Variants in PKP3 observed in about 807,000 individuals in gnomAD.
The protein encoded by PKP3 is plakophilin-3.
A neutral mutation model predicts 76.5 loss-of-function variants in PKP3; 66 were observed. The ratio of observed to expected loss-of-function variants is 0.86; its 90% CI spans 0.71 to 1.06. The LOEUF (loss-of-function observed/expected upper bound fraction) is 1.06, where lower values mean the gene tolerates loss of function less well. PKP3 is among the 50% of genes least tolerant of loss of function. The pLI is 0.00. For missense variants in PKP3, 1,338 were observed against 1,141.0 expected (o/e 1.17, Z -2.49); for synonymous variants, 638 against 516.5 (o/e 1.24, Z -3.19).
rs1445044534 is a variant in PKP3, at chr11:403,722, T to A, written c.2028T>A (p.Thr676=). Residue 676 remains threonine (T), a synonymous_variant, in exon 10 of 13, where the codon ACT becomes ACA. Transcript: ENST00000331563. ...TADHHQLRSL[T]GLIRNLSRNA... The stretch of plus-strand genomic sequence containing the variant: ...ACCACCACCAGCTGCGCTCACTGAC[T>A]GGCCTCATCCGAAACCTGTCTCGGA... 6.2e-7 allele frequency: 1 copy of A among 1,610,010 alleles called. No individual in the cohort carries two copies. Among genetic ancestry groups the A allele is most frequent in the Non-Finnish European group, 8.5e-7 (1 of 1,179,830 alleles).
In PKP3 at chr11:400,695, G is replaced by T. The variant is rs1194981379; in HGVS notation, c.1727G>T (p.Arg576Leu). ...VVGCFTPQSR[R>L]LRELPLAADA... ...GGCTGCTTCACGCCGCAGAGCCGGC[G>T]GCTGCGCGAGGTGGGCACCAGCCTG... Residue 576 changes from arginine (R) to leucine (L), a missense_variant, in exon 8 of 13, where the codon CGG becomes CTG. By Grantham distance (102) the Arg-to-Leu change is moderately radical. Coordinates refer to ENST00000331563, the MANE Select transcript of PKP3 (RefSeq NM_007183.4). The T allele has an allele frequency of 5.5e-6, 7 of 1,269,084 alleles. No homozygotes were observed. The East Asian group carries it at 2.3e-4, about 42-fold the overall frequency. The allele number at this position is 1,269,084 out of a possible 1,614,324, so 78.6% of individuals were successfully genotyped here. A position where few individuals can be genotyped will look rare whatever the true frequency, so the allele number is the denominator to read the frequency against.
chr11:403,317 G>T (rs924496738), intron 9 of PKP3, 54 bp downstream of exon 9: 1 of 1,368,462 alleles, frequency 7.3e-7, no homozygotes, highest in Non-Finnish European at 9.9e-7. Flanking sequence ...GCGGTTGAGG[G>T]GGGGACAGAG....
Position 400,090 on chromosome 11 carries a change from A to G in PKP3, c.1397A>G (p.Gln466Arg). 1 of 1,594,214 alleles carries G rather than the reference A, an allele frequency of 6.3e-7. No homozygotes were observed. ...GGGGCTGGGGGTCCCCCCCTCATCC[A>G]GCAGAACGCCTCGGAGGCAGAGATC... ...LSGAGGPPLI[Q>R]QNASEAEIFY... Residue 466 changes from glutamine (Q) to arginine (R), a missense_variant, in exon 6 of 13, where the codon CAG becomes CGG. By Grantham distance (43) the Gln-to-Arg change is conservative. Transcript: ENST00000331563.
chr11:400,598 CCGTCCG>C lies in PKP3; in HGVS notation c.1633_1638del (p.Ser545_Ala546del). 2 of 1,466,450 alleles carry C rather than the reference CCGTCCG, an allele frequency of 1.4e-6. No homozygotes were observed. The highest frequency in any genetic ancestry group is 1.8e-6 in the Non-Finnish European group (2 of 1,118,250). 90.8% of individuals were successfully genotyped at this position (1,466,450 alleles called of 1,614,324 possible). A position where few individuals can be genotyped will look rare whatever the true frequency, so the allele number is the denominator to read the frequency against. On this transcript the variant is annotated inframe_deletion, in exon 8 of 13. Coordinates refer to ENST00000331563, the MANE Select transcript of PKP3 (RefSeq NM_007183.4). ...CTACCGCCTCTACGACGAGATGCCG[CCGTCCG>C]CGCTGCAGCGGCTGGAGGGTCGCGG...
chr11:400,513 TGCCCCGCGCCCCC>T lies in PKP3; in HGVS notation c.1567-17_1567-5del, dbSNP rs1443339232. Reference sequence around the variant, plus strand: ...GGGCCGCCGCTCTGACCCGCGCCCCTGCCCCGCGCCCCCGCCCGCAGAGCGTGGAGAACGCGGT... The same window carrying T: ...GGGCCGCCGCTCTGACCCGCGCCCCTGCCCGCAGAGCGTGGAGAACGCGGT... On this transcript the variant is annotated splice_polypyrimidine_tract_variant and intron_variant, in intron 7 of 12. Transcript: ENST00000331563. 2 of 1,491,904 alleles carry T rather than the reference TGCCCCGCGCCCCC, an allele frequency of 1.3e-6. No homozygotes were observed. Among genetic ancestry groups the T allele is most frequent in the East Asian group, 5.1e-5 (2 of 39,032 alleles). 92.4% of individuals were successfully genotyped at this position (1,491,904 alleles called of 1,614,324 possible). A position where few individuals can be genotyped will look rare whatever the true frequency, so the allele number is the denominator to read the frequency against.
Position 397,063 on chromosome 11 carries a change from C to A in PKP3, c.562C>A (p.Pro188Thr), listed in dbSNP as rs113852684. The change falls in exon 3 of 13, where the codon CCC (proline) becomes ACC (threonine). Residue 188 changes from proline to threonine, a missense_variant. Coordinates refer to ENST00000331563, the MANE Select transcript of PKP3 (RefSeq NM_007183.4). ...TLSLRSLRLG[P>T]GGLDDRYSLV... ...CTCCCTGCGCTCGCTGCGGCTGGGG[C>A]CCGGGGGCCTGGACGACCGCTACAG... is the stretch of plus-strand genomic sequence containing the variant. 31,820 of 1,598,770 alleles carry A rather than the reference C, an allele frequency of 0.02. 384 individuals are homozygous for A. The highest frequency in any genetic ancestry group is 0.041 in the Middle Eastern group (247 of 6,030).
chr11:403,207 C>T lies in PKP3; in HGVS notation c.1867C>T (p.His623Tyr), dbSNP rs1484384812. ...GCTGCAGCGCTGCGAGCTCAACCGGCACACGACGGAGGCGGCCGCCGGGGC... is the reference window on the plus strand; with the variant it reads ...GCTGCAGCGCTGCGAGCTCAACCGGTACACGACGGAGGCGGCCGCCGGGGC... ...RLLQRCELNR[H>Y]TTEAAAGALQ... The change falls in exon 9 of 13, where the codon CAC becomes TAC. Residue 623 changes from histidine to tyrosine, a missense_variant. His to Tyr is a moderately conservative substitution (Grantham distance 83). Transcript: ENST00000331563. 6.3e-7 allele frequency: 1 copy of T among 1,591,136 alleles called. No individual in the cohort carries two copies. Among genetic ancestry groups the T allele is most frequent in the Admixed American group, 1.8e-5 (1 of 56,980 alleles).
Position 396,884 on chromosome 11 carries a change from G to T in PKP3, c.383G>T (p.Ser128Ile). The T allele has an allele frequency of 6.3e-7, 1 of 1,599,082 alleles. No individual in the cohort carries two copies. Reference protein sequence around the residue: ...SWSSRSAVDLSCSRRLSSAHN... With the variant: ...SWSSRSAVDLICSRRLSSAHN... ...TCCTCCCGCTCCGCCGTGGATCTGA[G>T]CTGCAGTCGGAGGCTGAGTTCAGCC... Residue 128 changes from serine to isoleucine, a missense_variant, in exon 3 of 13, where the codon AGC becomes ATC. Physicochemically the swap from Ser to Ile is moderately radical, Grantham distance 142. Transcript: ENST00000331563.
chr11:394,086 C>T, upstream of PKP3: 1 of 693,354 alleles, frequency 1.4e-6, no homozygotes, highest in Non-Finnish European at 2.2e-6. Flanking sequence ...CAAATTCCAC[C>T]TTAAGCAGGC....
rs763232627 is a variant in PKP3 at position 399,085 on chromosome 11, C to G, written c.1162C>G (p.Leu388Val). ...QRHATGAMRNLIYDNADNKLA... is the reference protein window; with the variant it reads ...QRHATGAMRNVIYDNADNKLA... ...CCATGCCACAGGTGCCATGCGCAACCTCATCTACGACAACGCTGACAACAA... is the reference window on the plus strand; with the variant it reads ...CCATGCCACAGGTGCCATGCGCAACGTCATCTACGACAACGCTGACAACAA... The change falls in exon 5 of 13, where the codon CTC becomes GTC. Residue 388 changes from leucine (L) to valine (V), a missense_variant. Physicochemically the swap from Leu to Val is conservative, Grantham distance 32 (BLOSUM62 1). Coordinates refer to ENST00000331563, the MANE Select transcript of PKP3 (RefSeq NM_007183.4). The G allele has an allele frequency of 1.9e-6, 3 of 1,611,816 alleles. No homozygotes were observed. In the African/African-American group the frequency reaches 4.0e-5, roughly 22 times the overall value.
At chr11:398,207 C>T (rs569137299) in intron 4 of PKP3, among the ~76,000 whole-genome samples, 2 of 86,292 alleles carry the variant, frequency 2.3e-5, no homozygotes, top group Admixed American at 1.0e-4. Context: ...TCATCACCTC[C>T]GTACCCCCGC....
rs774594790 is a variant in PKP3 at position 399,152 on chromosome 11, G to C, written c.1229G>C (p.Arg410Pro). 6.2e-7 allele frequency: 1 copy of C among 1,610,724 alleles called. No homozygotes were observed. The highest frequency in any genetic ancestry group is 1.1e-5 in the South Asian group (1 of 90,926). ...GAGAACGGGATCTTCGAGCTGCTGC[G>C]GACACTGCGGGAGCAGGATGATGAG... The part of the protein sequence containing the change: ...VEENGIFELL[R>P]TLREQDDELR... The change falls in exon 5 of 13, where the codon CGG (arginine) becomes CCG (proline). Residue 410 changes from arginine to proline, a missense_variant. By Grantham distance (103) the Arg-to-Pro change is moderately radical. Transcript: ENST00000331563.
upstream of PKP3, chr11:394,030 G>A (rs1052847521): frequency 4.0e-5 from 18 of 445,778 alleles, no homozygotes; most frequent in Admixed American, 2.2e-4. Context: ...AAGGAGGCGG[G>A]AGGCCAGGCT....
chr11:394,085 C>G (rs996214741), upstream of PKP3: 1 of 685,046 alleles, frequency 1.5e-6, no homozygotes, highest in African/African-American at 1.9e-5. Context: ...CCAAATTCCA[C>G]CTTAAGCAGG....
At chr11:398,894 C>G (rs539830471) in intron 4 of PKP3, 98 bp from the exon 5 acceptor site, 10 of 954,612 alleles carry the variant, frequency 1.0e-5, no homozygotes, top group Non-Finnish European at 1.6e-5. Context: ...GCATCCCCTG[C>G]ATATCTACAT....
intron 5 of PKP3, among the ~76,000 whole-genome samples, 157 bp downstream of exon 5, chr11:399,353 C>G (rs1847110107): frequency 2.0e-5 from 1 of 50,538 alleles, no homozygotes. Flanking sequence ...CTCCTCCTCC[C>G]CCCCTCTGCC....
intron 5 of PKP3, 42 bp from the exon 6 acceptor site, chr11:399,925 G>A: frequency 6.6e-7 from 1 of 1,523,902 alleles, no homozygotes; most frequent in South Asian, 1.2e-5. Flanking sequence ...CGCGGAGGGG[G>A]TTGGAGGGCA....
In PKP3 at chr11:404,130, G is replaced by A; in HGVS notation, c.2265G>A (p.Arg755=). The A allele has an allele frequency of 6.2e-7, 1 of 1,609,544 alleles. No individual in the cohort carries two copies. Among genetic ancestry groups the A allele is most frequent in the Non-Finnish European group, 8.5e-7 (1 of 1,177,784 alleles). The change falls in exon 11 of 13, where the codon CGG becomes CGA. Residue 755 remains arginine (R), a synonymous_variant. Transcript: ENST00000331563. This position sits in a 1 kb window ranked among gnomAD's most constrained non-coding sequence, Gnocchi z 4.2. ...LRKLIFIKKK[R]DSPDSEKSSR... Reference sequence around the variant, plus strand: ...AGCTCATCTTCATCAAGAAGAAGCGGGACAGGTAGGGGCCGACCCAGCCGT... The same window carrying A: ...AGCTCATCTTCATCAAGAAGAAGCGAGACAGGTAGGGGCCGACCCAGCCGT...
Position 397,265 on chromosome 11 carries a change from A to G in PKP3, c.764A>G (p.Gln255Arg). ...APAVRTLQRF[Q>R]SSHRSRGVGG... Reference sequence around the variant, plus strand: ...GCCGTGCGGACCCTGCAGCGATTCCAGAGCAGCCACCGGAGCCGCGGGGTA... The same window carrying G: ...GCCGTGCGGACCCTGCAGCGATTCCGGAGCAGCCACCGGAGCCGCGGGGTA... Residue 255 changes from glutamine to arginine, a missense_variant, in exon 3 of 13, where the codon CAG becomes CGG. Gln to Arg is a conservative substitution (Grantham distance 43, BLOSUM62 1). Coordinates refer to ENST00000331563, the MANE Select transcript of PKP3 (RefSeq NM_007183.4). 1.3e-6 allele frequency: 2 copies of G among 1,599,264 alleles called. No homozygotes were observed. The highest frequency in any genetic ancestry group is 8.5e-7 in the Non-Finnish European group (1 of 1,177,200).
Sources: allele counts gnomAD v4.1 joint callset (sites outside exome capture counted in the v4.1 genomes callset), GRCh38; gene constraint gnomAD v4.1.1; non-coding constraint Gnocchi (gnomAD v3.1); transcripts MANE v1.5; gene names NCBI Gene and HGNC (gene_info 2026-07-23, HGNC 2026-07-21).